DRC8: variants seen among roughly 807,000 people sequenced by gnomAD.
DRC8 encodes dynein regulatory complex subunit 8.
chr1:245,005,544 T>C, the DRC8 span, among the ~76,000 whole-genome samples: 2 of 151,986 alleles, frequency 1.3e-5, no homozygotes, highest in African/African-American at 4.8e-5. Flanking sequence ...GATTTCAACG[T>C]GTTGGTCAGG....
chr1:245,011,285 T>C, the DRC8 span, among the ~76,000 whole-genome samples: 1 of 152,248 alleles, frequency 6.6e-6, no homozygotes, highest in African/African-American at 2.4e-5. Flanking sequence ...GCATCATTCC[T>C]GACCCTAAAT....
At chr1:245,056,606 A>AT in the DRC8 span, among the ~76,000 whole-genome samples, 2 of 152,160 alleles carry the variant, frequency 1.3e-5, no homozygotes, top group Non-Finnish European at 2.9e-5. Flanking sequence ...TGTTAGCCAC[A>AT]TTTTTTCAAG....
the DRC8 span, among the ~76,000 whole-genome samples, chr1:245,103,687 G>A: frequency 2.6e-5 from 4 of 152,102 alleles, no homozygotes; most frequent in Non-Finnish European, 5.9e-5. Context: ...ACCCTGTGAG[G>A]CTGACGAGGA....
the DRC8 span, among the ~76,000 whole-genome samples, chr1:245,081,495 G>A: frequency 6.6e-6 from 1 of 151,890 alleles, no homozygotes; most frequent in Admixed American, 6.6e-5. Flanking sequence ...TTGAGATGGA[G>A]TCTCGCTCTG....
At chr1:244,981,471 A>G in the DRC8 span, among the ~76,000 whole-genome samples, 1 of 151,976 alleles carries the variant, frequency 6.6e-6, no homozygotes, top group Non-Finnish European at 1.5e-5. Flanking sequence ...TTTTACGTGT[A>G]TTATGTCCTT....
the DRC8 span, among the ~76,000 whole-genome samples, chr1:245,009,222 CAG>C: frequency 3.7e-4 from 56 of 151,086 alleles, no homozygotes; most frequent in African/African-American, 1.1e-3. Context: ...TTAGTAGAGA[CAG>C]GGGTTTCACC....
At chr1:245,059,083 C>T in the DRC8 span, among the ~76,000 whole-genome samples, 1 of 152,228 alleles carries the variant, frequency 6.6e-6, no homozygotes, top group Non-Finnish European at 1.5e-5. Flanking sequence ...GAAACTGAGG[C>T]TCAAAAGAGT....
chr1:245,083,364 G>A, the DRC8 span: 1 of 1,345,962 alleles, frequency 7.4e-7, no homozygotes, highest in Non-Finnish European at 1.1e-6. Flanking sequence ...GTGCCAAAAG[G>A]GTTGGAGACT....
At chr1:245,057,822 T>A in the DRC8 span, among the ~76,000 whole-genome samples, 5 of 152,204 alleles carry the variant, frequency 3.3e-5, no homozygotes, top group Non-Finnish European at 7.3e-5. Context: ...TCTTGCTATT[T>A]TGAAAATAGA....
the DRC8 span, among the ~76,000 whole-genome samples, chr1:245,033,095 C>A: frequency 2.6e-5 from 4 of 152,138 alleles, no homozygotes; most frequent in Non-Finnish European, 5.9e-5. Context: ...AGCTTCAGAG[C>A]GGCCTCACAG....
chr1:245,111,403 C>T, the DRC8 span, among the ~76,000 whole-genome samples: 1 of 152,138 alleles, frequency 6.6e-6, no homozygotes, highest in Non-Finnish European at 1.5e-5. Flanking sequence ...TCAACCTGGC[C>T]GAATCTTCCA....
chr1:244,983,672 G>A, the DRC8 span, among the ~76,000 whole-genome samples: 2 of 148,688 alleles, frequency 1.3e-5, no homozygotes, highest in African/African-American at 2.5e-5. Context: ...CTCAGGAGGC[G>A]GAGGTTGCAG....
chr1:244,970,677 C>A, the DRC8 span: 1 of 402,312 alleles, frequency 2.5e-6, no homozygotes, highest in South Asian at 3.1e-5. Context: ...CCGCCCCGCC[C>A]CGCCTCTCTC....
At chr1:245,053,548 G>A in the DRC8 span, among the ~76,000 whole-genome samples, 1 of 152,238 alleles carries the variant, frequency 6.6e-6, no homozygotes, top group Admixed American at 6.5e-5. Flanking sequence ...ATATAGGTGG[G>A]CTAGTGGAGC....
the DRC8 span, among the ~76,000 whole-genome samples, chr1:245,102,394 G>C: frequency 6.6e-6 from 1 of 151,888 alleles, no homozygotes; most frequent in Admixed American, 6.6e-5. Flanking sequence ...CTGTCGCCCA[G>C]GCTGGAGTGG....
chr1:244,977,684 A>G, the DRC8 span, among the ~76,000 whole-genome samples: 88 of 152,156 alleles, frequency 5.8e-4, no homozygotes, highest in Non-Finnish European at 2.8e-4. Flanking sequence ...ATAAAAAATA[A>G]TAATAAAAAG....
chr1:245,012,656 A>G, the DRC8 span, among the ~76,000 whole-genome samples: 4 of 152,122 alleles, frequency 2.6e-5, no homozygotes, highest in Non-Finnish European at 1.5e-5. Flanking sequence ...TGTGTGACTT[A>G]CATGACGAAC....
chr1:245,069,418 C>T, the DRC8 span, among the ~76,000 whole-genome samples: 72 of 152,034 alleles, frequency 4.7e-4, no homozygotes, highest in African/African-American at 1.7e-3. Context: ...CTGGGGAGGA[C>T]GAGGAGAGGA....
the DRC8 span, among the ~76,000 whole-genome samples, chr1:245,101,381 A>G: frequency 6.6e-6 from 1 of 152,114 alleles, no homozygotes; most frequent in Non-Finnish European, 1.5e-5. Flanking sequence ...TAAATTGGCA[A>G]TTGGATCTAG....
Sources: gnomAD v4.1 joint callset for allele counts (sites outside exome capture counted in the v4.1 genomes callset) on GRCh38, gnomAD v4.1.1 for gene constraint, MANE v1.5 for transcripts, NCBI Gene and HGNC (gene_info 2026-07-23, HGNC 2026-07-21) for gene names.